The following MACF1 variants were observed in gnomAD, a reference collection of about 807,000 sequenced individuals.
The protein encoded by MACF1 is microtubule actin crosslinking factor 1.
In MACF1, 193 loss-of-function variants were observed where a neutral mutation model predicts 854.8. The ratio of observed to expected loss-of-function variants is 0.23; its 90% CI spans 0.20 to 0.25. The LOEUF is 0.25. Ranked by LOEUF, MACF1 falls within the 10% of genes least tolerant of loss-of-function variation. The probability of loss-of-function intolerance (pLI) is 1.00; values close to 1 mark genes in which losing one functional copy is unlikely to be tolerated. For synonymous variants in MACF1, 3,185 were observed against 3,226.7 expected (o/e 0.99, Z 0.44); for missense variants, 7,722 against 8,929.1 (o/e 0.86, Z 5.45).
At chr1:39,397,712 G>A (rs1642329348) in intron 58 of MACF1, among the ~76,000 whole-genome samples, 1 of 152,166 alleles carries the variant, frequency 6.6e-6, no homozygotes, top group South Asian at 2.1e-4. Context: ...GTAATTTATT[G>A]AATATTGTAC....
rs929764694 is a variant in MACF1, at chr1:39,487,034, T to C, written c.*1240T>C. On this transcript the variant is annotated 3_prime_UTR_variant, in exon 101 of 101. Coordinates refer to ENST00000564288, the MANE Select transcript of MACF1 (RefSeq NM_001394062.1). ...TTTCAACTATTACCTTATCTATAAA[T>C]GTTACCCTGGGGTATAATCATGTTG... 4 of 152,528 alleles carry C rather than the reference T, an allele frequency of 2.6e-5. No individual in the cohort carries two copies. The highest frequency in any genetic ancestry group is 7.2e-5 in the African/African-American group (3 of 41,472). 9.4% of individuals were successfully genotyped at this position (152,528 alleles called of 1,614,324 possible).
intron 5 of MACF1, chr1:39,254,644 T>C: frequency 2.6e-6 from 1 of 385,570 alleles, no homozygotes; most frequent in Non-Finnish European, 4.7e-6. Context: ...GCACCTTAGG[T>C]GGGGGTCAAA....
intron 2 of MACF1, among the ~76,000 whole-genome samples, chr1:39,248,973 C>T (rs1406897191): frequency 2.0e-5 from 3 of 152,072 alleles, no homozygotes; most frequent in South Asian, 2.1e-4. Flanking sequence ...TCTCAAACTC[C>T]TAGGGTCAAG....
At chr1:39,176,327 A>G (rs1173493876) in intron 2 of MACF1, among the ~76,000 whole-genome samples, 1 of 151,436 alleles carries the variant, frequency 6.6e-6, no homozygotes, top group Non-Finnish European at 1.5e-5. Flanking sequence ...ATTTTATAGC[A>G]CACAACAATT....
Position 39,428,382 on chromosome 1 carries a change from A to G in MACF1, c.16803+95A>G, listed in dbSNP as rs1175883021. The G allele has an allele frequency of 5.0e-6, 6 of 1,200,018 alleles. No homozygotes were observed. The African/African-American group carries it at 9.2e-5, about 18-fold the overall frequency. The allele number at this position is 1,200,018 out of a possible 1,614,324, so 74.3% of individuals were successfully genotyped here. A position where few individuals can be genotyped will look rare whatever the true frequency, so the allele number is the denominator to read the frequency against. On this transcript the variant is annotated intron_variant, in intron 63 of 100. Coordinates refer to ENST00000564288, the MANE Select transcript of MACF1 (RefSeq NM_001394062.1). ...CATTTATTTTTTTTTCTTCATTACA[A>G]ACACTTCAACTTTATTTTATACACA... is the stretch of plus-strand genomic sequence containing the variant.
chr1:39,121,372 T>G (rs1156616944), intron 2 of MACF1, among the ~76,000 whole-genome samples: 1 of 151,990 alleles, frequency 6.6e-6, no homozygotes, highest in African/African-American at 2.4e-5. Context: ...TGAAAAGGGG[T>G]GGGGGAAGCA....
In MACF1 at chr1:39,427,823, A is replaced by G. The variant is rs988287941; in HGVS notation, c.16477-138A>G. ...CCGGAATAAACAGCTTTTGTTCCCA[A>G]TTTTTATATTATTTTTGCCTTTCAG... On this transcript the variant is annotated intron_variant, in intron 62 of 100. Coordinates refer to ENST00000564288, the MANE Select transcript of MACF1 (RefSeq NM_001394062.1). 12 of 925,594 alleles carry G rather than the reference A, an allele frequency of 1.3e-5. No homozygotes were observed. In the African/African-American group the frequency reaches 1.7e-4, roughly 13 times the overall value. The allele number at this position is 925,594 out of a possible 1,614,324, so 57.3% of individuals were successfully genotyped here. A position where few individuals can be genotyped will look rare whatever the true frequency, so the allele number is the denominator to read the frequency against.
rs758514761 is a variant in MACF1, at chr1:39,283,371, T to G, written c.809-38T>G. The G allele has an allele frequency of 1.1e-5, 18 of 1,587,500 alleles. No individual in the cohort carries two copies. The highest frequency in any genetic ancestry group is 1.6e-5 in the Non-Finnish European group (18 of 1,155,832). ...TATTCCTTCTTCTGGCAAGTTCCTT[T>G]GTTCTGACTAAGAAATTTCTTGTCC... On this transcript the variant is annotated intron_variant, in intron 8 of 100. Transcript: ENST00000564288. This position sits in a 1 kb window ranked among gnomAD's most constrained non-coding sequence, Gnocchi z 4.5.
chr1:39,313,841 C>T (rs1168759368), intron 26 of MACF1, among the ~76,000 whole-genome samples: 1 of 152,072 alleles, frequency 6.6e-6, no homozygotes, highest in African/African-American at 2.4e-5. Flanking sequence ...TCTCCAACTC[C>T]TGGCTTCCAG....
chr1:39,309,735 G>T, intron 24 of MACF1, 39 bp downstream of exon 24: 6 of 1,588,012 alleles, frequency 3.8e-6, no homozygotes, highest in Non-Finnish European at 5.1e-6. Context: ...ACATTCCATT[G>T]GCAAGATTTT....
At chr1:39,239,123 A>T (rs958899893) in intron 2 of MACF1, among the ~76,000 whole-genome samples, 1 of 152,210 alleles carries the variant, frequency 6.6e-6, no homozygotes, top group Non-Finnish European at 1.5e-5. Flanking sequence ...TCTACTAAAA[A>T]TACAAAAATT....
At chr1:39,426,717 ATAAGAGT>A (rs2148644293) in intron 61 of MACF1, among the ~76,000 whole-genome samples, 1 of 152,268 alleles carries the variant, frequency 6.6e-6, no homozygotes, top group African/African-American at 2.4e-5. Context: ...CTTATATTAA[ATAAGAGT>A]TAAGATTCCA....
chr1:39,479,995 G>T lies in MACF1; in HGVS notation c.22156G>T (p.Ala7386Ser). ...CATGCCATCTTCTCCAGCCACCCCA[G>T]CCAGTGGAACCAAGGTATGTACTGA... ...TSMPSSPATP[A>S]SGTKTSLQFS... The change falls in exon 98 of 101, where the codon GCC (alanine) becomes TCC (serine). Residue 7386 changes from alanine (A) to serine (S), a missense_variant. Coordinates refer to ENST00000564288, the MANE Select transcript of MACF1 (RefSeq NM_001394062.1). 1 of 1,575,686 alleles carries T rather than the reference G, an allele frequency of 6.3e-7. No homozygotes were observed. The highest frequency in any genetic ancestry group is 1.7e-4 in the Middle Eastern group (1 of 5,924).
At chr1:39,304,617 G>A in intron 23 of MACF1, 1 of 576,616 alleles carries the variant, frequency 1.7e-6, no homozygotes, top group Non-Finnish European at 3.1e-6. Context: ...AGGCTGGAGT[G>A]CAGTGGCACT....
At chr1:39,161,651 C>T (rs1471091880) in intron 2 of MACF1, among the ~76,000 whole-genome samples, 3 of 151,982 alleles carry the variant, frequency 2.0e-5, no homozygotes, top group East Asian at 3.9e-4. Context: ...CGGATCACAA[C>T]GTCAGGAGTT....
At position 39,284,055 on chromosome 1, in the gene MACF1, T is replaced by C; in HGVS notation, c.916-11T>C. The C allele has an allele frequency of 6.2e-7, 1 of 1,613,234 alleles. No homozygotes were observed. Among genetic ancestry groups the C allele is most frequent in the Non-Finnish European group, 8.5e-7 (1 of 1,179,698 alleles). ...CTAATCAGGTGTGTGATGTTTACCT[T>C]CTGGCAATAGGAAGTGGACTCCAGG... is the stretch of plus-strand genomic sequence containing the variant. On this transcript the variant is annotated splice_polypyrimidine_tract_variant and intron_variant, in intron 9 of 100. Coordinates refer to ENST00000564288, the MANE Select transcript of MACF1 (RefSeq NM_001394062.1).
At chr1:39,128,814 C>T (rs1010669192) in intron 2 of MACF1, among the ~76,000 whole-genome samples, 4 of 152,160 alleles carry the variant, frequency 2.6e-5, no homozygotes, top group African/African-American at 9.7e-5. Flanking sequence ...TACATTAATC[C>T]ACTGGAAAGC....
At chr1:39,093,507 G>A (rs1641862841) in intron 2 of MACF1, among the ~76,000 whole-genome samples, 1 of 122,760 alleles carries the variant, frequency 8.1e-6, no homozygotes, top group African/African-American at 3.1e-5. Flanking sequence ...TTTTTTTTGA[G>A]ACGGAGTCTT....
chr1:39,161,278 T>A (rs1643793288), intron 2 of MACF1, among the ~76,000 whole-genome samples: 1 of 152,090 alleles, frequency 6.6e-6, no homozygotes. Context: ...GTGCCATGAC[T>A]GGGATAAGTA....
Sources: allele counts gnomAD v4.1 joint callset (sites outside exome capture counted in the v4.1 genomes callset), GRCh38; gene constraint gnomAD v4.1.1; non-coding constraint Gnocchi (gnomAD v3.1); transcripts MANE v1.5; gene names NCBI Gene and HGNC (gene_info 2026-07-23, HGNC 2026-07-21).